The following CTNNAL1 variants were observed in gnomAD, a reference collection of about 807,000 sequenced individuals.
CTNNAL1 encodes alpha-catulin.
In CTNNAL1, 69 loss-of-function variants were observed where a neutral mutation model predicts 93.6. That is an observed-to-expected ratio of 0.74 (90% CI 0.61 to 0.90). CTNNAL1 has a LOEUF of 0.90. CTNNAL1 is among the 40% of genes least tolerant of loss of function. The pLI is 0.00. For missense variants in CTNNAL1, 836 were observed against 862.0 expected, an observed-to-expected ratio of 0.97 and a Z score of 0.38; for synonymous variants, 286 against 305.4, an observed-to-expected ratio of 0.94 and a Z score of 0.66.
chr9:108,951,988 C>G (rs28361168), intron 14 of CTNNAL1, among the ~76,000 whole-genome samples: 1 of 151,892 alleles, frequency 6.6e-6, no homozygotes, highest in Non-Finnish European at 1.5e-5. Context: ...AAAGAGTGGG[C>G]AGAAACCTAG....
At chr9:108,959,816 A>G (rs377453975) in intron 11 of CTNNAL1, among the ~76,000 whole-genome samples, 11 of 152,160 alleles carry the variant, frequency 7.2e-5, no homozygotes, top group African/African-American at 2.7e-4. Context: ...CAACACTACA[A>G]TTGTGCCATC....
At chr9:108,946,472 C>T (rs1347909264) in intron 15 of CTNNAL1, among the ~76,000 whole-genome samples, 1 of 152,136 alleles carries the variant, frequency 6.6e-6, no homozygotes, top group African/African-American at 2.4e-5. Flanking sequence ...AAATCCTCTA[C>T]CCACATTTAT....
At chr9:108,957,685 T>G (rs1408743159) in intron 11 of CTNNAL1, among the ~76,000 whole-genome samples, 2 of 152,234 alleles carry the variant, frequency 1.3e-5, no homozygotes, top group Non-Finnish European at 2.9e-5. Context: ...AGTGCTCGAT[T>G]TAGTTGCAAT....
At chr9:109,000,111 T>G (rs772802395) in intron 1 of CTNNAL1, among the ~76,000 whole-genome samples, 13 of 152,258 alleles carry the variant, frequency 8.5e-5, no homozygotes, top group Non-Finnish European at 1.8e-4. Context: ...TTTATATGTA[T>G]GTTTAGGTAT....
At chr9:108,954,387 T>C (rs1830640519) in intron 12 of CTNNAL1, among the ~76,000 whole-genome samples, 1 of 152,186 alleles carries the variant, frequency 6.6e-6, no homozygotes, top group African/African-American at 2.4e-5. Flanking sequence ...AGATAAAAAA[T>C]ACTATTCAGT....
At chr9:108,966,396 G>A (rs1284922815) in intron 10 of CTNNAL1, among the ~76,000 whole-genome samples, 4 of 152,194 alleles carry the variant, frequency 2.6e-5, no homozygotes, top group Admixed American at 6.5e-5. Context: ...ACATTTCCCA[G>A]CCTCCCTGGT....
chr9:108,966,566 A>G (rs1164100976), intron 10 of CTNNAL1, among the ~76,000 whole-genome samples: 1 of 152,160 alleles, frequency 6.6e-6, no homozygotes, highest in African/African-American at 2.4e-5. Flanking sequence ...TGAGGTCCTG[A>G]GGGCTAGCGA....
chr9:108,947,383 G>C (rs1457467395), intron 15 of CTNNAL1, among the ~76,000 whole-genome samples: 1 of 152,102 alleles, frequency 6.6e-6, no homozygotes, highest in Non-Finnish European at 1.5e-5. Flanking sequence ...AAAGTGCTGG[G>C]ATTACAGGCG....
intron 15 of CTNNAL1, among the ~76,000 whole-genome samples, chr9:108,944,425 A>G (rs1385811343): frequency 6.6e-6 from 1 of 152,250 alleles, no homozygotes; most frequent in Non-Finnish European, 1.5e-5. Context: ...AATTCCATCT[A>G]GGCAAGACAA....
At chr9:109,003,004 A>G (rs185525867) in intron 1 of CTNNAL1, among the ~76,000 whole-genome samples, 19 of 151,784 alleles carry the variant, frequency 1.3e-4, no homozygotes, top group African/African-American at 4.6e-4. Context: ...AAAAAAAAAA[A>G]TCTTCTCCAG....
intron 11 of CTNNAL1, among the ~76,000 whole-genome samples, chr9:108,961,594 A>G (rs938140159): frequency 6.6e-6 from 1 of 152,210 alleles, no homozygotes; most frequent in Admixed American, 6.5e-5. Context: ...TTTTTTTAAC[A>G]TAAGTTAACT....
intron 17 of CTNNAL1, 51 bp from the exon 18 acceptor site, chr9:108,943,095 G>A: frequency 6.8e-7 from 1 of 1,467,478 alleles, no homozygotes; most frequent in Non-Finnish European, 9.3e-7. Context: ...GTACTTAAAA[G>A]ACCTTACCAT....
chr9:108,992,963 C>T (rs939395765), intron 2 of CTNNAL1, 144 bp from the exon 3 acceptor site: 21 of 878,878 alleles, frequency 2.4e-5, no homozygotes, highest in South Asian at 1.0e-4. Flanking sequence ...TTCACCTTGA[C>T]GATTGTAGGG....
chr9:108,976,706 GT>G (rs1247312946), intron 8 of CTNNAL1, among the ~76,000 whole-genome samples: 1 of 151,732 alleles, frequency 6.6e-6, no homozygotes, highest in Non-Finnish European at 1.5e-5. Flanking sequence ...AATCTTTTGT[GT>G]TTTTTGTAGA....
chr9:108,965,361 T>C lies in CTNNAL1; in HGVS notation c.1591+17A>G. On this transcript the variant is annotated intron_variant, in intron 11 of 18. Transcript: ENST00000325551. ...ATTAAAATAATAACATATTTCATTA[T>C]GTGGACAGTTTCTCACCTCGTCTTC... 3 of 1,398,716 alleles carry C rather than the reference T, an allele frequency of 2.1e-6. No individual in the cohort carries two copies. Among genetic ancestry groups the C allele is most frequent in the South Asian group, 1.8e-5 (1 of 54,746 alleles). 86.6% of individuals were successfully genotyped at this position (1,398,716 alleles called of 1,614,324 possible).
intron 10 of CTNNAL1, among the ~76,000 whole-genome samples, chr9:108,969,505 T>C (rs11790105): frequency 0.22 from 33,777 of 152,180 alleles, 4,602 homozygotes; most frequent in East Asian, 0.31. Context: ...GAATAATTTG[T>C]ATACATACAA....
At chr9:108,998,421 C>T (rs529703919) in intron 2 of CTNNAL1, among the ~76,000 whole-genome samples, 1 of 151,932 alleles carries the variant, frequency 6.6e-6, no homozygotes, top group Non-Finnish European at 1.5e-5. Context: ...ACGATCACCA[C>T]CTGACATTAC....
In CTNNAL1 at chr9:108,952,431, G is replaced by T. The variant is rs1228542524; in HGVS notation, c.1680+13C>A. ...CATGTTAAAGGAAGATTAGATGTAG[G>T]AATTGGTCTTACCTCAGAGTCAGGC... On this transcript the variant is annotated intron_variant, in intron 13 of 18. Transcript: ENST00000325551. 1 of 1,613,982 alleles carries T rather than the reference G, an allele frequency of 6.2e-7. No individual in the cohort carries two copies. Among genetic ancestry groups the T allele is most frequent in the Non-Finnish European group, 8.5e-7 (1 of 1,180,016 alleles).
At chr9:108,997,044 T>C (rs1587985779) in intron 2 of CTNNAL1, among the ~76,000 whole-genome samples, 1 of 152,242 alleles carries the variant, frequency 6.6e-6, no homozygotes, top group East Asian at 1.9e-4. Context: ...AATAAGTTTA[T>C]TGAACATGTC....
Sources: gnomAD v4.1 joint callset for allele counts (sites outside exome capture counted in the v4.1 genomes callset) on GRCh38, gnomAD v4.1.1 for gene constraint, MANE v1.5 for transcripts, NCBI Gene and HGNC (gene_info 2026-07-23, HGNC 2026-07-21) for gene names.